Variants in PPARGC1A observed in about 807,000 individuals in gnomAD.
The protein encoded by PPARGC1A is PPARG coactivator 1 alpha, also known as peroxisome proliferator-activated receptor gamma coactivator 1-alpha.
A neutral mutation model predicts 88.7 loss-of-function variants in PPARGC1A; 25 were observed. The ratio of observed to expected loss-of-function variants is 0.28; its 90% CI spans 0.21 to 0.39. The LOEUF (loss-of-function observed/expected upper bound fraction) is 0.39. Ranked by LOEUF, PPARGC1A falls within the 10% of genes least tolerant of loss-of-function variation. The pLI, the probability that PPARGC1A is intolerant of heterozygous loss-of-function variation, is 1.00. For synonymous variants in PPARGC1A, 363 were observed against 355.6 expected (o/e 1.02, Z -0.24); for missense variants, 880 against 968.7 (o/e 0.91, Z 1.22).
chr4:24,145,832 A>C, the PPARGC1A span, among the ~76,000 whole-genome samples: 1 of 152,126 alleles, frequency 6.6e-6, no homozygotes, highest in African/African-American at 2.4e-5. Context: ...ATTTATACTA[A>C]ACTTCACTAT....
chr4:24,387,826 G>GAAAGAAAGAAAGAAAGAAAGAAAGAA, the PPARGC1A span, among the ~76,000 whole-genome samples: 5 of 53,106 alleles, frequency 9.4e-5, no homozygotes, highest in South Asian at 7.7e-4. Context: ...GAAAGAAAGA[G>GAAAGAAAGAAAGAAAGAAAGAAAGAA]AGAAAGAGAG....
the PPARGC1A span, among the ~76,000 whole-genome samples, chr4:24,115,813 A>C: frequency 1.1e-4 from 17 of 152,240 alleles, no homozygotes; most frequent in Non-Finnish European, 2.5e-4. Flanking sequence ...CCTCTCTGAT[A>C]AGATCAGAGA....
At chr4:24,422,676 A>G in the PPARGC1A span, among the ~76,000 whole-genome samples, 1 of 152,116 alleles carries the variant, frequency 6.6e-6, no homozygotes, top group African/African-American at 2.4e-5. Flanking sequence ...CTATGACCAT[A>G]TAAGGCAAGC....
At chr4:24,407,677 T>C in the PPARGC1A span, among the ~76,000 whole-genome samples, 2 of 152,232 alleles carry the variant, frequency 1.3e-5, no homozygotes, top group Non-Finnish European at 2.9e-5. Context: ...GAAATGAGAA[T>C]TAAACAGAAG....
At chr4:24,176,200 G>A in the PPARGC1A span, among the ~76,000 whole-genome samples, 24 of 152,174 alleles carry the variant, frequency 1.6e-4, 1 homozygote, top group South Asian at 1.5e-3. Flanking sequence ...CTCTTCTTCC[G>A]GCCCTAACAT....
the PPARGC1A span, among the ~76,000 whole-genome samples, chr4:23,960,236 C>T: frequency 5.8e-4 from 89 of 152,160 alleles, 1 homozygote; most frequent in Middle Eastern, 0.014. Flanking sequence ...TCAAGGGACA[C>T]CTGGCAATAT....
the PPARGC1A span, among the ~76,000 whole-genome samples, chr4:24,214,302 C>A: frequency 5.9e-5 from 9 of 152,272 alleles, no homozygotes; most frequent in South Asian, 1.9e-3. Context: ...ACTGGTAAAA[C>A]AAATGACATG....
chr4:23,990,532 G>C, the PPARGC1A span, among the ~76,000 whole-genome samples: 1 of 152,058 alleles, frequency 6.6e-6, no homozygotes, highest in African/African-American at 2.4e-5. Flanking sequence ...CATAAGGAAC[G>C]ACATCCGTCT....
At chr4:24,419,703 G>T in the PPARGC1A span, among the ~76,000 whole-genome samples, 6 of 152,064 alleles carry the variant, frequency 3.9e-5, no homozygotes, top group Non-Finnish European at 5.9e-5. Context: ...TTCCAGAGAG[G>T]AACAGAAGTG....
At chr4:24,382,903 T>G in the PPARGC1A span, among the ~76,000 whole-genome samples, 9 of 152,156 alleles carry the variant, frequency 5.9e-5, no homozygotes, top group Non-Finnish European at 1.3e-4. Context: ...ACAGACTGCC[T>G]CCTCAAGTGG....
At chr4:24,208,225 G>T in the PPARGC1A span, among the ~76,000 whole-genome samples, 1 of 152,132 alleles carries the variant, frequency 6.6e-6, no homozygotes. Context: ...TGAGGCTGCA[G>T]TGAGCTATGA....
the PPARGC1A span, among the ~76,000 whole-genome samples, chr4:24,127,719 C>T: frequency 1.3e-5 from 2 of 152,048 alleles, no homozygotes; most frequent in Admixed American, 6.6e-5. Context: ...TTACCTCCTT[C>T]TTCATCATAT....
chr4:24,146,053 G>A, the PPARGC1A span, among the ~76,000 whole-genome samples: 1 of 152,208 alleles, frequency 6.6e-6, no homozygotes, highest in African/African-American at 2.4e-5. Context: ...GTTAAAAAGA[G>A]TTAAGCAGGT....
chr4:23,913,420 C>A, the PPARGC1A span, among the ~76,000 whole-genome samples: 1 of 151,422 alleles, frequency 6.6e-6, no homozygotes, highest in Non-Finnish European at 1.5e-5. Context: ...ACTCTTAAAT[C>A]CTTTTCTCTC....
the PPARGC1A span, among the ~76,000 whole-genome samples, chr4:24,074,471 T>C: frequency 6.6e-6 from 1 of 152,190 alleles, no homozygotes; most frequent in African/African-American, 2.4e-5. Context: ...TCCAGCTTTA[T>C]TGAAGTATAT....
At chr4:24,253,263 C>T in the PPARGC1A span, among the ~76,000 whole-genome samples, 3 of 133,398 alleles carry the variant, frequency 2.2e-5, no homozygotes, top group African/African-American at 7.6e-5. Flanking sequence ...TCTTTTACTG[C>T]TCTTTTTGTT....
chr4:24,458,156 T>C, the PPARGC1A span, among the ~76,000 whole-genome samples: 5 of 152,170 alleles, frequency 3.3e-5, no homozygotes, highest in Non-Finnish European at 7.3e-5. Context: ...ACCTCTTGAC[T>C]AATATGTATG....
the PPARGC1A span, among the ~76,000 whole-genome samples, chr4:24,205,733 C>T: frequency 6.6e-6 from 1 of 152,084 alleles, no homozygotes; most frequent in Non-Finnish European, 1.5e-5. Context: ...GTTTTTGCTC[C>T]AAACACAACA....
chr4:24,161,557 G>A, the PPARGC1A span, among the ~76,000 whole-genome samples: 1 of 152,150 alleles, frequency 6.6e-6, no homozygotes, highest in Non-Finnish European at 1.5e-5. Context: ...TCTTGGGGTT[G>A]TCATGAGATA....
Sources: allele counts gnomAD v4.1 joint callset (sites outside exome capture counted in the v4.1 genomes callset), GRCh38; gene constraint gnomAD v4.1.1; transcripts MANE v1.5; gene names NCBI Gene and HGNC (gene_info 2026-07-23, HGNC 2026-07-21).